The following VPS13A variants were observed in gnomAD, a reference collection of about 807,000 sequenced individuals.
VPS13A encodes the protein intermembrane lipid transfer protein VPS13A.
VPS13A carries 264 observed loss-of-function variants against 390.9 expected under a neutral mutation model. The ratio of observed to expected loss-of-function variants is 0.68; its 90% CI spans 0.61 to 0.75. The LOEUF (loss-of-function observed/expected upper bound fraction) is 0.75. Ranked by LOEUF, VPS13A falls within the 30% of genes least tolerant of loss-of-function variation. VPS13A has a pLI of 0.00. For missense variants in VPS13A, 3,409 were observed against 3,733.9 expected (o/e 0.91, Z 2.27); for synonymous variants, 1,231 against 1,227.1 (o/e 1.00, Z -0.07).
rs1256775174 is a variant in VPS13A at position 77,400,457 on chromosome 9, T to C, written c.9190-2779T>C. Among the ~76,000 whole-genome samples the C allele has an allele frequency of 7.2e-5, 11 of 152,104 alleles. No individual in the cohort carries two copies. The South Asian group carries it at 2.3e-3, about 31-fold the overall frequency. On this transcript the variant is annotated intron_variant, in intron 68 of 71. Transcript: ENST00000360280. ...TTATCGTTTTGCCATTCAGTAGTGG[T>C]TAAGTTCTATGTACTTAACAATTTT...
chr9:77,412,134 G>T (rs1038721741), intron 71 of VPS13A, among the ~76,000 whole-genome samples: 1 of 152,178 alleles, frequency 6.6e-6, no homozygotes, highest in African/African-American at 2.4e-5. Context: ...TCCAGGACCA[G>T]ATGGATTCAC....
intron 23 of VPS13A, among the ~76,000 whole-genome samples, chr9:77,260,861 G>A (rs1825721368): frequency 6.6e-6 from 1 of 151,804 alleles, no homozygotes; most frequent in Non-Finnish European, 1.5e-5. Flanking sequence ...ATGCATGTGT[G>A]TGTGTATGTA....
chr9:77,362,774 T>C (rs890541520), intron 59 of VPS13A, among the ~76,000 whole-genome samples: 37 of 152,164 alleles, frequency 2.4e-4, no homozygotes, highest in Admixed American at 7.9e-4. Flanking sequence ...TTTATGTAGA[T>C]TTTTAATTTT....
chr9:77,340,457 T>A lies in VPS13A; in HGVS notation c.6933T>A (p.Phe2311Leu). The A allele has an allele frequency of 6.2e-7, 1 of 1,613,584 alleles. No individual in the cohort carries two copies. The highest frequency in any genetic ancestry group is 1.7e-5 in the Admixed American group (1 of 60,016). ...SSFNITRIVT[F>L]TPFYMIKNKS... Reference sequence around the variant, plus strand: ...TTAACATTACTAGAATTGTGACATTTACCCCTTTTTATATGATTAAAAACA... The same window carrying A: ...TTAACATTACTAGAATTGTGACATTAACCCCTTTTTATATGATTAAAAACA... Residue 2311 changes from phenylalanine (F) to leucine (L), a missense_variant, in exon 50 of 72, where the codon TTT (phenylalanine) becomes TTA (leucine). Physicochemically the swap from Phe to Leu is conservative, Grantham distance 22. Coordinates refer to ENST00000360280, the MANE Select transcript of VPS13A (RefSeq NM_033305.3).
intron 46 of VPS13A, among the ~76,000 whole-genome samples, chr9:77,336,095 G>A (rs1830523825): frequency 6.6e-6 from 1 of 152,084 alleles, no homozygotes; most frequent in Non-Finnish European, 1.5e-5. Flanking sequence ...CAGCAAACTA[G>A]CACAGGAACA....
At chr9:77,217,938 A>G (rs977580031) in intron 10 of VPS13A, among the ~76,000 whole-genome samples, 2 of 152,128 alleles carry the variant, frequency 1.3e-5, no homozygotes, top group Non-Finnish European at 2.9e-5. Flanking sequence ...CACCAACAGT[A>G]ATCCCTTTTC....
In VPS13A at chr9:77,273,366, T is replaced by G; in HGVS notation, c.2512+2T>G. 6.2e-7 allele frequency: 1 copy of G among 1,602,630 alleles called. No homozygotes were observed. Among genetic ancestry groups the G allele is most frequent in the Non-Finnish European group, 8.5e-7 (1 of 1,172,752 alleles). On this transcript the variant is annotated splice_donor_variant, in intron 24 of 71. Coordinates refer to ENST00000360280, the MANE Select transcript of VPS13A (RefSeq NM_033305.3). LOFTEE classifies it high-confidence loss of function. ...AACTTCCATCTGTTTCTGAAGATGG[T>G]AAAATGAAACTGCTTAAGGATATTT...
chr9:77,321,837 GTTTTTT>G, intron 44 of VPS13A, 91 bp downstream of exon 44: 1 of 1,474,468 alleles, frequency 6.8e-7, no homozygotes, highest in Non-Finnish European at 9.2e-7. Context: ...TCTTAGCAAG[GTTTTTT>G]TTGTTTTTGT....
At chr9:77,232,362 A>G (rs1360691238) in intron 17 of VPS13A, among the ~76,000 whole-genome samples, 1 of 152,220 alleles carries the variant, frequency 6.6e-6, no homozygotes, top group Non-Finnish European at 1.5e-5. Context: ...TAGTATTGCC[A>G]TAATAACAAT....
In VPS13A at chr9:77,220,094, A is replaced by G. The variant is rs757721870; in HGVS notation, c.882+13A>G. On this transcript the variant is annotated intron_variant, in intron 11 of 71. Transcript: ENST00000360280. Reference sequence around the variant, plus strand: ...TAATAAACCACAGGTGATTTTCTTTAATATAATTTTCAATTGTGAATTATT... The same window carrying G: ...TAATAAACCACAGGTGATTTTCTTTGATATAATTTTCAATTGTGAATTATT... 1.3e-6 allele frequency: 2 copies of G among 1,595,386 alleles called. No individual in the cohort carries two copies. Among genetic ancestry groups the G allele is most frequent in the South Asian group, 1.1e-5 (1 of 89,166 alleles).
chr9:77,299,935 G>A (rs909391973), intron 33 of VPS13A, among the ~76,000 whole-genome samples: 7 of 152,058 alleles, frequency 4.6e-5, no homozygotes, highest in African/African-American at 1.7e-4. Context: ...TGGGGTGGGA[G>A]GCAAGGGGAA....
intron 38 of VPS13A, 139 bp downstream of exon 38, chr9:77,315,609 T>A: frequency 1.1e-6 from 1 of 871,406 alleles, no homozygotes; most frequent in East Asian, 2.6e-5. Context: ...AAGGAAAACC[T>A]TAATGTGTTT....
At chr9:77,391,119 G>C (rs933680360) in intron 68 of VPS13A, among the ~76,000 whole-genome samples, 1 of 130,616 alleles carries the variant, frequency 7.7e-6, no homozygotes, top group Admixed American at 7.3e-5. Context: ...CCTTAATTAA[G>C]CAAAGTTGCT....
At chr9:77,400,642 G>A (rs1834342927) in intron 68 of VPS13A, among the ~76,000 whole-genome samples, 1 of 151,616 alleles carries the variant, frequency 6.6e-6, no homozygotes, top group South Asian at 2.1e-4. Context: ...GGCTAACATG[G>A]TGAAACCCCG....
chr9:77,235,975 T>G (rs1824121027), intron 17 of VPS13A, among the ~76,000 whole-genome samples: 1 of 152,194 alleles, frequency 6.6e-6, no homozygotes, highest in South Asian at 2.1e-4. Flanking sequence ...CTGAATAAAT[T>G]ACATAAGCTA....
rs1564727138 is a variant in VPS13A at position 77,321,491 on chromosome 9, G to T, written c.5575G>T (p.Ala1859Ser). ...ATTTAGCATAACTCTTTCTTATTAGGCATTTACAGAAGCTGCCACTGGATC... is the reference window on the plus strand; with the variant it reads ...ATTTAGCATAACTCTTTCTTATTAGTCATTTACAGAAGCTGCCACTGGATC... ...GLVMLNNLVK[A>S]FTEAATGSSA... is the part of the protein sequence containing the mutation. The change falls in exon 44 of 72, where the codon GCA (alanine) becomes TCA (serine). Residue 1859 changes from alanine (A) to serine (S), a missense_variant and splice_region_variant. Coordinates refer to ENST00000360280, the MANE Select transcript of VPS13A (RefSeq NM_033305.3). The T allele has an allele frequency of 6.2e-7, 1 of 1,613,068 alleles. No individual in the cohort carries two copies. The highest frequency in any genetic ancestry group is 1.7e-5 in the Admixed American group (1 of 59,908).
chr9:77,390,078 CTT>C, intron 68 of VPS13A: 2 of 985,390 alleles, frequency 2.0e-6, no homozygotes, highest in Non-Finnish European at 2.4e-6. Flanking sequence ...GAAGAAAGGT[CTT>C]ACTATAGCAG....
intron 45 of VPS13A, among the ~76,000 whole-genome samples, chr9:77,327,316 A>T (rs1310372017): frequency 6.6e-6 from 1 of 152,166 alleles, no homozygotes; most frequent in Non-Finnish European, 1.5e-5. Flanking sequence ...AAGGTGACTA[A>T]CAGCTGCACT....
Position 77,407,602 on chromosome 9 carries a change from G to T in VPS13A, c.9469G>T (p.Ala3157Ser). The change falls in exon 71 of 72, where the codon GCC becomes TCC. Residue 3157 changes from alanine to serine, a missense_variant. By Grantham distance (99) the Ala-to-Ser change is moderately conservative. Coordinates refer to ENST00000360280, the MANE Select transcript of VPS13A (RefSeq NM_033305.3). ...KIINFKTPEDARWILTKLQEA... is the reference protein window; with the variant it reads ...KIINFKTPEDSRWILTKLQEA... ...AATTAACTTCAAGACCCCAGAGGAT[G>T]CCAGGGTAAATATAATAAATCTTTT... 6.2e-7 allele frequency: 1 copy of T among 1,609,894 alleles called. No homozygotes were observed. Among genetic ancestry groups the T allele is most frequent in the South Asian group, 1.1e-5 (1 of 90,878 alleles).
Sources: gnomAD v4.1 joint callset for allele counts (sites outside exome capture counted in the v4.1 genomes callset) on GRCh38, gnomAD v4.1.1 for gene constraint, MANE v1.5 for transcripts, NCBI Gene and HGNC (gene_info 2026-07-23, HGNC 2026-07-21) for gene names.